The following ASTN2 variants were observed in gnomAD, a reference collection of about 807,000 sequenced individuals.
The protein encoded by ASTN2 is astrotactin 2.
A neutral mutation model predicts 139.8 loss-of-function variants in ASTN2; 54 were observed. The ratio of observed to expected loss-of-function variants is 0.39; its 90% CI spans 0.31 to 0.48. ASTN2 has a LOEUF of 0.48. Among genes scored for constraint, ASTN2 ranks in the 20% least tolerant of loss-of-function variants. ASTN2 has a pLI of 0.95. For synonymous variants in ASTN2, 756 were observed against 719.5 expected (o/e 1.05, Z -0.81); for missense variants, 1,565 against 1,725.1 (o/e 0.91, Z 1.64).
chr9:116,490,018 G>A (rs974246346), intron 19 of ASTN2, among the ~76,000 whole-genome samples: 1 of 151,938 alleles, frequency 6.6e-6, no homozygotes, highest in Non-Finnish European at 1.5e-5. Context: ...GTTACAAGGA[G>A]TTAACAGCAC....
intron 7 of ASTN2, among the ~76,000 whole-genome samples, chr9:116,990,301 T>C (rs1442596836): frequency 3.9e-5 from 6 of 152,194 alleles, no homozygotes. Flanking sequence ...AAAGTCTCGC[T>C]CTGTCACCCA....
At chr9:116,461,220 A>G (rs1431852229) in intron 20 of ASTN2, among the ~76,000 whole-genome samples, 1 of 150,956 alleles carries the variant, frequency 6.6e-6, no homozygotes, top group African/African-American at 2.4e-5. Flanking sequence ...ATATTATATA[A>G]TTTACTTATT....
intron 13 of ASTN2, among the ~76,000 whole-genome samples, chr9:116,780,679 C>A (rs116396177): frequency 0.014 from 2,147 of 152,244 alleles, 51 homozygotes; most frequent in African/African-American, 0.049. Context: ...TAGTAGCTTT[C>A]CTCATTCTTT....
At chr9:116,994,467 A>AAT (rs1466683000) in intron 7 of ASTN2, among the ~76,000 whole-genome samples, 2 of 152,146 alleles carry the variant, frequency 1.3e-5, no homozygotes, top group African/African-American at 4.8e-5. Flanking sequence ...AATGAAATGA[A>AAT]ATATATATGA....
intron 2 of ASTN2, among the ~76,000 whole-genome samples, chr9:117,244,584 AGGGAGGGAGGGAGGGAGGGAG>A (rs1833315207): frequency 3.0e-4 from 1 of 3,284 alleles, no homozygotes; most frequent in African/African-American, 5.8e-4. Flanking sequence ...GGAGGGAGGG[AGGGAGGGAGGGAGGGAGGGAG>A]GAGAGGGAGG....
At chr9:116,806,029 G>T (rs971666361) in intron 12 of ASTN2, among the ~76,000 whole-genome samples, 2 of 152,198 alleles carry the variant, frequency 1.3e-5, no homozygotes, top group Non-Finnish European at 2.9e-5. Context: ...AGTCATTTGT[G>T]ACATTTTGGA....
Position 116,624,456 on chromosome 9 carries a change from G to T in ASTN2, c.3073-4013C>A, listed in dbSNP as rs180730022. Among the ~76,000 whole-genome samples the T allele has an allele frequency of 5.3e-5, 8 of 152,282 alleles. No homozygotes were observed. The East Asian group carries it at 1.4e-3, about 26-fold the overall frequency. ...CACACAAACAATTACAATTACTATA[G>T]TTCAAATGCTATGAAGTAATACACA... On this transcript the variant is annotated intron_variant, in intron 17 of 22. Coordinates refer to ENST00000313400, the MANE Select transcript of ASTN2 (RefSeq NM_001365068.1).
At chr9:116,940,475 C>A (rs372612749) in intron 10 of ASTN2, among the ~76,000 whole-genome samples, 97 of 152,152 alleles carry the variant, frequency 6.4e-4, no homozygotes, top group African/African-American at 2.1e-3. Context: ...TATTGATGAT[C>A]CTGATTCTGT....
In ASTN2 at chr9:116,971,631, A is replaced by T. The variant is rs1397346095; in HGVS notation, c.1889+3577T>A. ...ACAAAGTGGTTAATATGAATCCTCAACACTGAGCAACTATCGATTTTCAGT... is the reference window on the plus strand; with the variant it reads ...ACAAAGTGGTTAATATGAATCCTCATCACTGAGCAACTATCGATTTTCAGT... On this transcript the variant is annotated intron_variant, in intron 10 of 22. Transcript: ENST00000313400. 7.9e-5 allele frequency among the ~76,000 whole-genome samples: 12 copies of T among 152,340 alleles called. No homozygotes were observed. The East Asian group carries it at 2.3e-3, about 29-fold the overall frequency.
chr9:116,681,793 A>G (rs1320761528), intron 16 of ASTN2, among the ~76,000 whole-genome samples: 1 of 152,118 alleles, frequency 6.6e-6, no homozygotes, highest in African/African-American at 2.4e-5. Flanking sequence ...CCTATTTAAT[A>G]AATGGTGCTG....
chr9:116,733,633 A>C, intron 13 of ASTN2, 110 bp from the exon 14 acceptor site: 3 of 1,415,658 alleles, frequency 2.1e-6, no homozygotes, highest in Non-Finnish European at 2.9e-6. Flanking sequence ...TGGTGGGGTG[A>C]CTTTGCTGTA....
At chr9:116,438,182 C>T (rs868036163) in intron 22 of ASTN2, among the ~76,000 whole-genome samples, 9 of 152,222 alleles carry the variant, frequency 5.9e-5, no homozygotes, top group Admixed American at 1.3e-4. Context: ...GCCTAGAATG[C>T]TATGCTGTCT....
intron 1 of ASTN2, among the ~76,000 whole-genome samples, chr9:117,399,367 T>C (rs1184754720): frequency 6.6e-6 from 1 of 152,122 alleles, no homozygotes; most frequent in African/African-American, 2.4e-5. Flanking sequence ...AGAAAAGATA[T>C]TTTTAAAATA....
intron 17 of ASTN2, among the ~76,000 whole-genome samples, chr9:116,624,738 G>C (rs1856353727): frequency 6.6e-6 from 1 of 152,056 alleles, no homozygotes; most frequent in Non-Finnish European, 1.5e-5. Context: ...TGGTCTGTAT[G>C]ACTCCAAAAA....
intron 19 of ASTN2, among the ~76,000 whole-genome samples, chr9:116,596,276 G>A (rs1854573088): frequency 6.6e-6 from 1 of 152,192 alleles, no homozygotes; most frequent in Non-Finnish European, 1.5e-5. Flanking sequence ...CCAGGTGCTG[G>A]GAATGCGGAA....
intron 13 of ASTN2, among the ~76,000 whole-genome samples, chr9:116,773,085 A>ATTTT (rs11464715): frequency 1.5e-4 from 21 of 143,562 alleles, no homozygotes; most frequent in African/African-American, 3.6e-4. Flanking sequence ...CCTCCATCCT[A>ATTTT]TTTTTTTTTT....
intron 13 of ASTN2, among the ~76,000 whole-genome samples, chr9:116,751,033 C>G (rs578095748): frequency 1.3e-5 from 2 of 152,276 alleles, no homozygotes; most frequent in South Asian, 2.1e-4. Context: ...TACAGTCATG[C>G]TGAGCCTCAG....
chr9:116,598,760 CTT>C (rs1482724935), intron 19 of ASTN2, among the ~76,000 whole-genome samples: 3 of 152,298 alleles, frequency 2.0e-5, no homozygotes, highest in East Asian at 3.9e-4. Flanking sequence ...TTAAACCAGA[CTT>C]TATGCTAGGA....
chr9:116,877,844 C>G (rs901949272), intron 10 of ASTN2, among the ~76,000 whole-genome samples: 1 of 152,144 alleles, frequency 6.6e-6, no homozygotes, highest in African/African-American at 2.4e-5. Flanking sequence ...CTCCTCTTCA[C>G]TTAAACACAT....
Sources: allele counts gnomAD v4.1 joint callset (sites outside exome capture counted in the v4.1 genomes callset), GRCh38; gene constraint gnomAD v4.1.1; transcripts MANE v1.5; gene names NCBI Gene and HGNC (gene_info 2026-07-23, HGNC 2026-07-21).